Variants in CFAP47 observed in about 807,000 individuals in gnomAD.
CFAP47 encodes the protein cilia- and flagella-associated protein 47.
A neutral mutation model predicts 148.1 loss-of-function variants in CFAP47; 29 were observed. That is an observed-to-expected ratio of 0.20 (90% CI 0.15 to 0.27). CFAP47 has a LOEUF of 0.27. Among genes scored for constraint, CFAP47 ranks in the 10% least tolerant of loss-of-function variants. The pLI, the probability that CFAP47 is intolerant of heterozygous loss-of-function variation, is 1.00. For missense variants in CFAP47, 1,872 were observed against 1,697.5 expected, an observed-to-expected ratio of 1.10 and a Z score of -1.81; for synonymous variants, 664 against 577.3, an observed-to-expected ratio of 1.15 and a Z score of -2.15.
chrX:36,111,591 C>A (rs966301080), intron 33 of CFAP47, among the ~76,000 whole-genome samples: 1 of 111,283 alleles, frequency 9.0e-6, no homozygotes, highest in African/African-American at 3.3e-5. Flanking sequence ...GTGTCTCTGC[C>A]AGGCTTGGTA....
chrX:36,356,761 C>T (rs782703216), intron 60 of CFAP47, among the ~76,000 whole-genome samples: 6 of 111,296 alleles, frequency 5.4e-5, no homozygotes, highest in Non-Finnish European at 9.4e-5. Context: ...TCTCCTAAGT[C>T]CCTTCTAGTG....
chrX:36,346,827 T>C (rs1941701102), intron 57 of CFAP47, among the ~76,000 whole-genome samples: 1 of 111,246 alleles, frequency 9.0e-6, no homozygotes. Context: ...CCTAGGACCA[T>C]AAAAATCCTA....
At chrX:36,194,879 T>G (rs1939903632) in intron 42 of CFAP47, among the ~76,000 whole-genome samples, 2 of 112,245 alleles carry the variant, frequency 1.8e-5, no homozygotes. Context: ...AGAGCCAAAC[T>G]ATATCACCAG....
At chrX:36,271,400 G>T (rs1940957404) in intron 49 of CFAP47, among the ~76,000 whole-genome samples, 1 of 110,955 alleles carries the variant, frequency 9.0e-6, no homozygotes, top group Non-Finnish European at 1.9e-5. Flanking sequence ...ATGCAAGGTG[G>T]GTGTGAGGGG....
intron 33 of CFAP47, among the ~76,000 whole-genome samples, chrX:36,135,602 T>A (rs942777248): frequency 5.4e-5 from 6 of 111,780 alleles, no homozygotes; most frequent in African/African-American, 2.0e-4. Context: ...TTGGTAAAGG[T>A]GAAGTTATTG....
intron 24 of CFAP47, among the ~76,000 whole-genome samples, chrX:36,036,359 A>ATTT (rs200119140): frequency 3.9e-5 from 4 of 102,465 alleles, no homozygotes; most frequent in African/African-American, 1.4e-4. Flanking sequence ...AGGTTCAATC[A>ATTT]TTTTTTTTTT....
intron 27 of CFAP47, among the ~76,000 whole-genome samples, chrX:36,068,307 T>G (rs973872988): frequency 8.9e-6 from 1 of 112,300 alleles, no homozygotes; most frequent in Admixed American, 9.4e-5. Flanking sequence ...ACATTTTGAC[T>G]TAACCTGCCT....
At chrX:36,215,550 T>G (rs1275934803) in intron 45 of CFAP47, among the ~76,000 whole-genome samples, 1 of 110,324 alleles carries the variant, frequency 9.1e-6, no homozygotes, top group Non-Finnish European at 1.9e-5. Context: ...CTGAGGTTGA[T>G]GGAGGTGGTG....
intron 52 of CFAP47, 143 bp from the exon 53 acceptor site, chrX:36,300,929 A>G (rs1556007698): frequency 2.7e-6 from 1 of 375,055 alleles, no homozygotes. Flanking sequence ...CATCTACAAA[A>G]AGAGTAGTAT....
chrX:36,187,176 T>C (rs1260080092), intron 40 of CFAP47, among the ~76,000 whole-genome samples: 2 of 112,091 alleles, frequency 1.8e-5, no homozygotes, highest in Non-Finnish European at 3.8e-5. Flanking sequence ...AACCATTGGA[T>C]TCATTAGCAA....
At chrX:35,925,182 C>T (rs2146613773) in intron 1 of CFAP47, among the ~76,000 whole-genome samples, 1 of 110,956 alleles carries the variant, frequency 9.0e-6, no homozygotes, top group Admixed American at 9.6e-5. Context: ...ACCATCCTGG[C>T]TAACACAGTG....
Position 36,353,591 on chromosome X carries a change from G to T in CFAP47, c.8761G>T (p.Gly2921Cys), listed in dbSNP as rs1556017888. The change falls in exon 60 of 64, where the codon GGT becomes TGT. Residue 2921 changes from glycine to cysteine, a missense_variant. By Grantham distance (159) the Gly-to-Cys change is radical (BLOSUM62 -3). Coordinates refer to ENST00000378653, the MANE Select transcript of CFAP47 (RefSeq NM_001304548.2). Reference sequence around the variant, plus strand: ...GAAGGTAGAAATCATACTGAATGCTGGTTTTTTCGGATTTAGTCTTACTCC... The same window carrying T: ...GAAGGTAGAAATCATACTGAATGCTTGTTTTTTCGGATTTAGTCTTACTCC... ...EEKVEIILNA[G>C]FFGFSLTPDL... 52 of 1,159,591 alleles carry T rather than the reference G, an allele frequency of 4.5e-5. No individual in the cohort carries two copies. Among genetic ancestry groups the T allele is most frequent in the Non-Finnish European group, 5.9e-5 (51 of 867,424 alleles).
At chrX:36,122,875 G>A (rs767575706) in intron 33 of CFAP47, among the ~76,000 whole-genome samples, 24 of 111,376 alleles carry the variant, frequency 2.2e-4, no homozygotes, top group Middle Eastern at 4.7e-3. Context: ...GTTCTTCGGT[G>A]ACTGGGAGTT....
chrX:36,065,635 A>T lies in CFAP47; in HGVS notation c.4218-8A>T. The T allele has an allele frequency of 8.8e-7, 1 of 1,132,254 alleles. No individual in the cohort carries two copies. Among genetic ancestry groups the T allele is most frequent in the Non-Finnish European group, 1.2e-6 (1 of 828,980 alleles). 93.3% of individuals were successfully genotyped at this position (1,132,254 alleles called of 1,213,427 possible). A position where few individuals can be genotyped will look rare whatever the true frequency, so the allele number is the denominator to read the frequency against. On this transcript the variant is annotated splice_region_variant and splice_polypyrimidine_tract_variant and intron_variant, in intron 26 of 63. Transcript: ENST00000378653. ...TATTGTATTGAAATGCAATGTTTTC[A>T]CTTTCAGGTTTTCACTTCCAGTTAC... is the stretch of plus-strand genomic sequence containing the variant.
chrX:36,166,012 T>G (rs1485769425), intron 39 of CFAP47, among the ~76,000 whole-genome samples: 1 of 111,263 alleles, frequency 9.0e-6, no homozygotes, highest in African/African-American at 3.3e-5. Context: ...GGGGACAAAC[T>G]TCAGCCCATA....
chrX:36,325,620 G>C (rs1383331013), intron 57 of CFAP47, among the ~76,000 whole-genome samples: 1 of 110,743 alleles, frequency 9.0e-6, no homozygotes, highest in Non-Finnish European at 1.9e-5. Context: ...ATTGAGTAGG[G>C]GGAGAAGGTG....
In CFAP47 at chrX:36,331,617, T is replaced by G. The variant is rs142549307; in HGVS notation, c.8443+12310T>G. 4.8e-3 allele frequency among the ~76,000 whole-genome samples: 542 copies of G among 111,921 alleles called. 5 individuals are homozygous for G. The highest frequency in any genetic ancestry group is 0.016 in the African/African-American group (491 of 30,869). On this transcript the variant is annotated intron_variant, in intron 57 of 63. Coordinates refer to ENST00000378653, the MANE Select transcript of CFAP47 (RefSeq NM_001304548.2). ...TATCAGTTAATGGCACCATTATTTA[T>G]CTAGTTTTATCTTGCCAAAAACTTA...
chrX:36,364,698 A>C (rs943841882), intron 61 of CFAP47, among the ~76,000 whole-genome samples: 1 of 108,262 alleles, frequency 9.2e-6, no homozygotes, highest in East Asian at 2.9e-4. Flanking sequence ...CGAGTAAAGG[A>C]GGAAATAAGT....
At chrX:36,300,011 T>C (rs1219510152) in intron 52 of CFAP47, among the ~76,000 whole-genome samples, 1 of 111,955 alleles carries the variant, frequency 8.9e-6, no homozygotes, top group Non-Finnish European at 1.9e-5. Flanking sequence ...TGCCCCAATA[T>C]GACTGCACAA....
Sources: gnomAD v4.1 joint callset for allele counts (sites outside exome capture counted in the v4.1 genomes callset) on GRCh38, gnomAD v4.1.1 for gene constraint, MANE v1.5 for transcripts, NCBI Gene and HGNC (gene_info 2026-07-23, HGNC 2026-07-21) for gene names.